The following ADCY2 variants were observed in gnomAD, a reference collection of about 807,000 sequenced individuals.
The protein encoded by ADCY2 is adenylate cyclase type 2.
In ADCY2, 31 loss-of-function variants were observed where a neutral mutation model predicts 125.2. The observed-to-expected ratio is 0.25, with a 90% CI of 0.19 to 0.33. ADCY2 has a LOEUF of 0.33. Among genes scored for constraint, ADCY2 ranks in the 10% least tolerant of loss-of-function variants. The pLI, the probability that ADCY2 is intolerant of heterozygous loss-of-function variation, is 1.00. For synonymous variants in ADCY2, 512 were observed against 548.4 expected (o/e 0.93, Z 0.93); for missense variants, 904 against 1,418.2 (o/e 0.64, Z 5.82).
intron 3 of ADCY2, chr5:7,522,726 C>A (rs1276140612): frequency 7.2e-6 from 1 of 138,452 alleles, no homozygotes; most frequent in East Asian, 2.2e-4. Context: ...CACGGTGAAA[C>A]CCCATCTCTA....
chr5:7,438,892 C>T (rs1037422098), intron 2 of ADCY2, among the ~76,000 whole-genome samples: 4 of 152,080 alleles, frequency 2.6e-5, no homozygotes, highest in African/African-American at 9.7e-5. Flanking sequence ...CCCTCAGGGT[C>T]CCTTGGTTTG....
At chr5:7,441,524 GA>G (rs148775552) in intron 2 of ADCY2, among the ~76,000 whole-genome samples, 1,638 of 150,740 alleles carry the variant, frequency 0.011, 39 homozygotes, top group African/African-American at 0.038. Context: ...CCTGACAGAG[GA>G]AAAAAAATAA....
intron 4 of ADCY2, among the ~76,000 whole-genome samples, chr5:7,671,175 G>T (rs1258418928): frequency 2.6e-5 from 4 of 152,068 alleles, no homozygotes; most frequent in East Asian, 1.9e-4. Flanking sequence ...TTCTTTATTT[G>T]TATAACAAGC....
intron 4 of ADCY2, chr5:7,653,907 T>A: frequency 7.9e-6 from 2 of 253,788 alleles, no homozygotes; most frequent in Non-Finnish European, 1.6e-5. Context: ...GGGGGAGGAG[T>A]CAGTTTGGGG....
At chr5:7,521,034 C>T in intron 3 of ADCY2, 135 bp downstream of exon 3, 2 of 1,060,150 alleles carry the variant, frequency 1.9e-6, no homozygotes, top group Non-Finnish European at 2.7e-6. Flanking sequence ...TGAGACTGAC[C>T]CCCTATAACA....
chr5:7,580,395 A>G (rs1561106793), intron 3 of ADCY2, among the ~76,000 whole-genome samples: 2 of 152,174 alleles, frequency 1.3e-5, no homozygotes, highest in African/African-American at 2.4e-5. Context: ...AATAGAAACT[A>G]TAAGAAGGAA....
intron 2 of ADCY2, among the ~76,000 whole-genome samples, chr5:7,422,149 C>T (rs1740228247): frequency 6.6e-6 from 1 of 152,124 alleles, no homozygotes; most frequent in African/African-American, 2.4e-5. Flanking sequence ...AAAACTTTGA[C>T]TCACTTTGTA....
At chr5:7,427,317 G>C (rs572546142) in intron 2 of ADCY2, among the ~76,000 whole-genome samples, 1 of 152,312 alleles carries the variant, frequency 6.6e-6, no homozygotes, top group African/African-American at 2.4e-5. Context: ...TCAGGACTGG[G>C]TAATTTATAA....
intron 7 of ADCY2, among the ~76,000 whole-genome samples, chr5:7,699,129 G>A (rs1240621425): frequency 6.7e-4 from 70 of 104,494 alleles, no homozygotes; most frequent in African/African-American, 2.3e-3. Flanking sequence ...ACGGAGTCTC[G>A]CTCTGTCGCC....
intron 22 of ADCY2, among the ~76,000 whole-genome samples, chr5:7,809,677 AT>A (rs1172410877): frequency 2.0e-5 from 3 of 152,190 alleles, no homozygotes; most frequent in Non-Finnish European, 4.4e-5. Flanking sequence ...TTACCTTGGC[AT>A]TTTCTGTTTG....
rs773227234 is a variant in ADCY2 at position 7,690,850 on chromosome 5, A to G, written c.869+11A>G. On this transcript the variant is annotated intron_variant, in intron 5 of 24. Coordinates refer to ENST00000338316, the MANE Select transcript of ADCY2 (RefSeq NM_020546.3). ...GCATACAAACGTGAGGTACGACGCT[A>G]TGCTTGCTCCTTGGCTGGTCTGGGA... 3.4e-5 allele frequency: 52 copies of G among 1,548,778 alleles called. No individual in the cohort carries two copies. The highest frequency in any genetic ancestry group is 4.5e-5 in the Non-Finnish European group (52 of 1,149,994).
chr5:7,576,840 A>G (rs1272885576), intron 3 of ADCY2, among the ~76,000 whole-genome samples: 1 of 152,210 alleles, frequency 6.6e-6, no homozygotes, highest in Non-Finnish European at 1.5e-5. Context: ...ATCCCCAAAC[A>G]TTAAACAGAA....
chr5:7,717,848 C>T (rs997818511), intron 12 of ADCY2, among the ~76,000 whole-genome samples: 12 of 152,246 alleles, frequency 7.9e-5, no homozygotes, highest in African/African-American at 1.4e-4. Context: ...TCCTTGGGTA[C>T]GTGTGTCATA....
At chr5:7,556,762 G>A (rs1735519108) in intron 3 of ADCY2, among the ~76,000 whole-genome samples, 1 of 152,072 alleles carries the variant, frequency 6.6e-6, no homozygotes, top group African/African-American at 2.4e-5. Flanking sequence ...TCATAAGAGC[G>A]GGAACCCTAT....
intron 2 of ADCY2, among the ~76,000 whole-genome samples, chr5:7,480,588 C>T (rs938195771): frequency 3.9e-5 from 6 of 152,004 alleles, no homozygotes; most frequent in South Asian, 2.1e-4. Flanking sequence ...ACAACACACA[C>T]GGGGGCCTAT....
At chr5:7,435,356 C>T (rs534202450) in intron 2 of ADCY2, among the ~76,000 whole-genome samples, 90 of 152,282 alleles carry the variant, frequency 5.9e-4, no homozygotes, top group Admixed American at 3.3e-3. Flanking sequence ...CTTTTCTTCT[C>T]GCTGCCTGAT....
At chr5:7,588,536 G>A (rs769689387) in intron 3 of ADCY2, among the ~76,000 whole-genome samples, 13 of 152,178 alleles carry the variant, frequency 8.5e-5, no homozygotes, top group African/African-American at 2.4e-4. Context: ...TGTTGCCACC[G>A]ATGGCAAGCT....
intron 16 of ADCY2, among the ~76,000 whole-genome samples, chr5:7,763,525 G>A (rs192328159): frequency 1.6e-4 from 25 of 152,172 alleles, no homozygotes; most frequent in African/African-American, 5.5e-4. Flanking sequence ...TCTCCAGAGC[G>A]CTTTTCATTT....
At chr5:7,595,471 A>G (rs1336419467) in intron 3 of ADCY2, among the ~76,000 whole-genome samples, 1 of 152,200 alleles carries the variant, frequency 6.6e-6, no homozygotes, top group East Asian at 1.9e-4. Context: ...ATTTTTAAAA[A>G]CATAGCATGA....
Sources: gnomAD v4.1 joint callset for allele counts (sites outside exome capture counted in the v4.1 genomes callset) on GRCh38, gnomAD v4.1.1 for gene constraint, MANE v1.5 for transcripts, NCBI Gene and HGNC (gene_info 2026-07-23, HGNC 2026-07-21) for gene names.